AKNAD1: variants seen among roughly 807,000 people sequenced by gnomAD.
The protein encoded by AKNAD1 is protein AKNAD1.
In AKNAD1, 67 loss-of-function variants were observed where a neutral mutation model predicts 90.8. The ratio of observed to expected loss-of-function variants is 0.74; its 90% CI spans 0.61 to 0.90. AKNAD1 has a LOEUF of 0.90. Among genes scored for constraint, AKNAD1 ranks in the 40% least tolerant of loss-of-function variants. The pLI is 0.00. For synonymous variants in AKNAD1, 327 were observed against 341.4 expected (o/e 0.96, Z 0.46); for missense variants, 957 against 975.4 (o/e 0.98, Z 0.25).
At chr1:108,819,455 C>CAAAA (rs34501326) in intron 14 of AKNAD1, among the ~76,000 whole-genome samples, 4 of 130,368 alleles carry the variant, frequency 3.1e-5, no homozygotes, top group South Asian at 2.5e-4. Context: ...CCATCTCTAC[C>CAAAA]AAAAAAAAAA....
intron 6 of AKNAD1, among the ~76,000 whole-genome samples, chr1:108,838,319 G>GC (rs61007277): frequency 0.034 from 4,995 of 147,768 alleles, 268 homozygotes; most frequent in African/African-American, 0.12. Context: ...CAAAAAGATA[G>GC]CCCCCCCCCC....
intron 5 of AKNAD1, among the ~76,000 whole-genome samples, chr1:108,845,350 G>A (rs1279552299): frequency 6.6e-6 from 1 of 152,134 alleles, no homozygotes; most frequent in Non-Finnish European, 1.5e-5. Context: ...GATGAGATGG[G>A]AGTCTTTTCT....
At chr1:108,830,996 C>G (rs1490466947) in intron 9 of AKNAD1, among the ~76,000 whole-genome samples, 2 of 152,182 alleles carry the variant, frequency 1.3e-5, no homozygotes, top group African/African-American at 4.8e-5. Context: ...TTTTATCTTT[C>G]CCTTAGTTTC....
chr1:108,826,742 CTTTTTTT>C (rs1363102278), intron 11 of AKNAD1, among the ~76,000 whole-genome samples: 1 of 59,530 alleles, frequency 1.7e-5, no homozygotes, highest in Non-Finnish European at 4.2e-5. Context: ...TTTTCTTTTT[CTTTTTTT>C]TTTTTTTTGA....
chr1:108,852,888 G>GATA, intron 1 of AKNAD1, 121 bp from the exon 2 acceptor site: 5 of 376,072 alleles, frequency 1.3e-5, no homozygotes, highest in South Asian at 2.8e-4. Context: ...AAGGCAGGAA[G>GATA]CTCAACCACA....
At chr1:108,849,235 C>A (rs777705549) in intron 3 of AKNAD1, among the ~76,000 whole-genome samples, 175 bp from the exon 4 acceptor site, 5 of 152,108 alleles carry the variant, frequency 3.3e-5, no homozygotes, top group African/African-American at 4.8e-5. Flanking sequence ...AATCCCAGCA[C>A]TTTGGGAGGC....
intron 5 of AKNAD1, among the ~76,000 whole-genome samples, chr1:108,845,889 C>G (rs1231633199): frequency 6.6e-6 from 1 of 152,100 alleles, no homozygotes; most frequent in Non-Finnish European, 1.5e-5. Flanking sequence ...AAGATGGCAG[C>G]TGAGGCCATG....
Position 108,823,470 on chromosome 1 carries a change from A to G in AKNAD1, c.2067T>C (p.His689=). The G allele has an allele frequency of 6.2e-7, 1 of 1,613,914 alleles. No individual in the cohort carries two copies. Among genetic ancestry groups the G allele is most frequent in the South Asian group, 1.1e-5 (1 of 91,078 alleles). ...ACRKEPTKEF[H]YRYNTPGQNY... The stretch of plus-strand genomic sequence containing the variant: ...TCTGTCCTGGAGTGTTGTATCTATA[A>G]TGAAATTCTGGGAAGAAAAGATTAA... Residue 689 remains histidine, a synonymous_variant, in exon 13 of 16, where the codon CAT becomes CAC. Coordinates refer to ENST00000370001, the MANE Select transcript of AKNAD1 (RefSeq NM_152763.5).
rs750005326 is a variant in AKNAD1, at chr1:108,830,634, G to C, written c.1763C>G (p.Thr588Ser). 6.2e-7 allele frequency: 1 copy of C among 1,614,150 alleles called. No homozygotes were observed. The highest frequency in any genetic ancestry group is 1.7e-5 in the Admixed American group (1 of 60,030). Residue 588 changes from threonine to serine, a missense_variant, in exon 10 of 16, where the codon ACT (threonine) becomes AGT (serine). Transcript: ENST00000370001. ...CTCTGCACAATCCTGCCTTCTTGGA[G>C]TGCCGTTGGGATCCTCCTGCGCCAC... Reference protein sequence around the residue: ...SSNSGEDPNGTPRRQDCAEMT... With the variant: ...SSNSGEDPNGSPRRQDCAEMT...
intron 11 of AKNAD1, among the ~76,000 whole-genome samples, chr1:108,824,544 G>C (rs941190435): frequency 9.2e-5 from 14 of 151,618 alleles, no homozygotes; most frequent in Non-Finnish European, 1.9e-4. Context: ...TGAAGGCCCA[G>C]GGTTGAAGCC....
Position 108,848,423 on chromosome 1 carries a change from C to T in AKNAD1, c.1245+329G>A, listed in dbSNP as rs1664763101. 2.0e-5 allele frequency among the ~76,000 whole-genome samples: 3 copies of T among 152,090 alleles called. No individual in the cohort carries two copies. The South Asian group carries it at 6.2e-4, about 32-fold the overall frequency. ...GGCAATTTTTATAACCTGAATTCACCAGTACCCATCAACTGCGGACAGGCC... is the reference window on the plus strand; with the variant it reads ...GGCAATTTTTATAACCTGAATTCACTAGTACCCATCAACTGCGGACAGGCC... On this transcript the variant is annotated intron_variant, in intron 5 of 15. Transcript: ENST00000370001.
At chr1:108,822,330 A>G (rs77897794) in intron 13 of AKNAD1, among the ~76,000 whole-genome samples, 3,560 of 151,998 alleles carry the variant, frequency 0.023, 160 homozygotes, top group African/African-American at 0.081. Context: ...TATGACTTCT[A>G]CCCCCTTAGT....
Position 108,843,170 on chromosome 1 carries a change from T to TTGCA in AKNAD1, c.1342_1343insTGCA (p.His448LeufsTer9). 6.2e-7 allele frequency: 1 copy of TTGCA among 1,614,202 alleles called. No individual in the cohort carries two copies. The highest frequency in any genetic ancestry group is 8.5e-7 in the Non-Finnish European group (1 of 1,180,026). On this transcript the variant is annotated frameshift_variant, in exon 6 of 16. Coordinates refer to ENST00000370001, the MANE Select transcript of AKNAD1 (RefSeq NM_152763.5). LOFTEE classifies it high-confidence loss of function. ...AAAGTCACCAACGATTGTTGATTCGTGCTTGTGGACTTGCTGCTGCAAAGT... is the reference window on the plus strand; with the variant it reads ...AAAGTCACCAACGATTGTTGATTCGTTGCAGCTTGTGGACTTGCTGCTGCAAAGT...
chr1:108,823,453 G>A lies in AKNAD1; in HGVS notation c.2084C>T (p.Pro695Leu), dbSNP rs1465588346. The A allele has an allele frequency of 1.2e-6, 2 of 1,614,052 alleles. No individual in the cohort carries two copies. The highest frequency in any genetic ancestry group is 4.5e-5 in the East Asian group (2 of 44,892). ...TKEFHYRYNT[P>L]GQNYSNHSKR... is the part of the protein sequence containing the mutation. ...GCTATGATTTGAGTAATTCTGTCCT[G>A]GAGTGTTGTATCTATAATGAAATTC... The change falls in exon 13 of 16, where the codon CCA becomes CTA. Residue 695 changes from proline (P) to leucine (L), a missense_variant. By Grantham distance (98) the Pro-to-Leu change is moderately conservative. Coordinates refer to ENST00000370001, the MANE Select transcript of AKNAD1 (RefSeq NM_152763.5).
intron 12 of AKNAD1, 42 bp downstream of exon 12, chr1:108,823,524 A>T: frequency 6.2e-7 from 1 of 1,611,550 alleles, no homozygotes; most frequent in East Asian, 2.2e-5. Context: ...GGGAACAGTG[A>T]CTGTCCCCAC....
At chr1:108,827,813 C>CAAAAAAAA (rs11369356) in intron 10 of AKNAD1, among the ~76,000 whole-genome samples, 2 of 115,086 alleles carry the variant, frequency 1.7e-5, no homozygotes, top group Non-Finnish European at 3.5e-5. Context: ...GACTCCTACT[C>CAAAAAAAA]AAAAAAAAAA....
At chr1:108,853,931 G>A (rs893064273) in intron 1 of AKNAD1, among the ~76,000 whole-genome samples, 8 of 59,820 alleles carry the variant, frequency 1.3e-4, no homozygotes, top group South Asian at 1.5e-3. Flanking sequence ...GAGAGACCCC[G>A]TCTCAAAAAA....
Position 108,816,271 on chromosome 1 carries a change from C to T in AKNAD1, c.2411G>A (p.Arg804Lys). The T allele has an allele frequency of 6.2e-7, 1 of 1,613,238 alleles. No individual in the cohort carries two copies. Among genetic ancestry groups the T allele is most frequent in the East Asian group, 2.2e-5 (1 of 44,802 alleles). ...ILNSALDHALRTATILKETTD... is the reference protein window; with the variant it reads ...ILNSALDHALKTATILKETTD... ...AGTTTCTTTCAAAATGGTTGCTGTCCTTAGGGCATGATCCAAAGCCGAGTT... is the reference window on the plus strand; with the variant it reads ...AGTTTCTTTCAAAATGGTTGCTGTCTTTAGGGCATGATCCAAAGCCGAGTT... The change falls in exon 16 of 16, where the codon AGG becomes AAG. Residue 804 changes from arginine (R) to lysine (K), a missense_variant. Physicochemically the swap from Arg to Lys is conservative, Grantham distance 26 (BLOSUM62 2). Coordinates refer to ENST00000370001, the MANE Select transcript of AKNAD1 (RefSeq NM_152763.5).
At chr1:108,838,319 G>GCC (rs61007277) in intron 6 of AKNAD1, among the ~76,000 whole-genome samples, 137 of 148,076 alleles carry the variant, frequency 9.3e-4, no homozygotes, top group African/African-American at 3.5e-3. Context: ...CAAAAAGATA[G>GCC]CCCCCCCCCC....
Sources: allele counts gnomAD v4.1 joint callset (sites outside exome capture counted in the v4.1 genomes callset), GRCh38; gene constraint gnomAD v4.1.1; transcripts MANE v1.5; gene names NCBI Gene and HGNC (gene_info 2026-07-23, HGNC 2026-07-21).